EHMT1: variants seen among roughly 807,000 people sequenced by gnomAD.
EHMT1 encodes euchromatic histone lysine methyltransferase 1, also known as histone-lysine N-methyltransferase EHMT1.
EHMT1 carries 15 observed loss-of-function variants against 147.2 expected under a neutral mutation model. That is an observed-to-expected ratio of 0.10 (90% confidence interval 0.07 to 0.16). The LOEUF is 0.16. Ranked by LOEUF, EHMT1 falls within the 10% of genes least tolerant of loss-of-function variation. The probability of loss-of-function intolerance (pLI) is 1.00; values close to 1 mark genes in which losing one functional copy is unlikely to be tolerated. For missense variants in EHMT1, 1,587 were observed against 1,772.4 expected, an observed-to-expected ratio of 0.90 and a Z score of 1.88; for synonymous variants, 795 against 709.6, an observed-to-expected ratio of 1.12 and a Z score of -1.91.
At chr9:137,675,562 C>G (rs1941174356) in intron 1 of EHMT1, among the ~76,000 whole-genome samples, 1 of 151,408 alleles carries the variant, frequency 6.6e-6, no homozygotes, top group South Asian at 2.1e-4. Context: ...CTCCCAGGTT[C>G]CCGCCATTCT....
At chr9:137,681,798 A>G (rs998882082) in intron 1 of EHMT1, among the ~76,000 whole-genome samples, 3 of 152,170 alleles carry the variant, frequency 2.0e-5, no homozygotes, top group South Asian at 2.1e-4. Context: ...TGCTAAGTCC[A>G]TGTGCCCCTC....
In EHMT1 at chr9:137,716,930, G is replaced by C; in HGVS notation, c.390G>C (p.Pro130=). The change falls in exon 3 of 27, where the codon CCG becomes CCC. Residue 130 remains proline (P), a synonymous_variant. Coordinates refer to ENST00000460843, the MANE Select transcript of EHMT1 (RefSeq NM_024757.5). The part of the protein sequence containing the change: ...IGSNGYILNK[P]ALQAQPLRTT... ...GCAACGGATACATCTTAAATAAGCC[G>C]GCCCTACAGGCACAGCCCTTGAGGA... 1 of 1,612,916 alleles carries C rather than the reference G, an allele frequency of 6.2e-7. No individual in the cohort carries two copies. The highest frequency in any genetic ancestry group is 8.5e-7 in the Non-Finnish European group (1 of 1,179,830).
intron 8 of EHMT1, among the ~76,000 whole-genome samples, chr9:137,756,037 C>T (rs1026083691): frequency 8.5e-5 from 13 of 152,158 alleles, no homozygotes; most frequent in African/African-American, 2.4e-5. Flanking sequence ...GAAGAGCAAA[C>T]GTTTTTAAGG....
At chr9:137,621,920 G>T in intron 1 of EHMT1, among the ~76,000 whole-genome samples, 1 of 151,130 alleles carries the variant, frequency 6.6e-6, no homozygotes, top group African/African-American at 2.4e-5. Context: ...AAAAAAAAAA[G>T]CTGTTCTCAT....
chr9:137,740,934 C>CTGGGAT (rs958002214), intron 4 of EHMT1, among the ~76,000 whole-genome samples: 4 of 149,760 alleles, frequency 2.7e-5, no homozygotes, highest in Non-Finnish European at 5.9e-5. Flanking sequence ...TCCTCAGTAG[C>CTGGGAT]TGGGATTACA....
intron 4 of EHMT1, 21 bp from the exon 5 acceptor site, chr9:137,743,350 G>A (rs892707566): frequency 5.4e-6 from 8 of 1,490,334 alleles, no homozygotes; most frequent in Admixed American, 1.9e-5. Flanking sequence ...GTCCCCTTTT[G>A]ACTTTTTTTT....
chr9:137,675,071 A>G, intron 1 of EHMT1: 1 of 152,228 alleles, frequency 6.6e-6, no homozygotes, highest in African/African-American at 2.4e-5. Context: ...TGTGGGAAGT[A>G]AGAAAGCAGG....
intron 23 of EHMT1, chr9:137,816,352 G>A (rs1954918655): frequency 2.1e-6 from 1 of 467,432 alleles, no homozygotes; most frequent in Non-Finnish European, 4.0e-6. Context: ...AATTACCTTT[G>A]TTACCGAGTT....
intron 8 of EHMT1, among the ~76,000 whole-genome samples, chr9:137,755,903 C>T (rs1411379939): frequency 6.6e-6 from 1 of 152,124 alleles, no homozygotes; most frequent in Non-Finnish European, 1.5e-5. Context: ...GGTTGTTTTT[C>T]TTCTCATTGG....
chr9:137,730,498 C>G (rs1402342940), intron 4 of EHMT1, among the ~76,000 whole-genome samples: 1 of 152,180 alleles, frequency 6.6e-6, no homozygotes, highest in Non-Finnish European at 1.5e-5. Flanking sequence ...GCTATGTTGC[C>G]CAGGCTGGTC....
At chr9:137,676,314 C>T (rs1941308659) in intron 1 of EHMT1, 1 of 152,444 alleles carries the variant, frequency 6.6e-6, no homozygotes. Context: ...CGTGATCTGC[C>T]TGCCTCGGCC....
chr9:137,707,376 C>T (rs1342486101), intron 1 of EHMT1, among the ~76,000 whole-genome samples: 5 of 152,360 alleles, frequency 3.3e-5, no homozygotes, highest in Admixed American at 6.5e-5. Flanking sequence ...AGGGCGGAGC[C>T]GCTGCCTTGC....
rs1418430447 is a variant in EHMT1, at chr9:137,684,555, G to A, written c.22-26412G>A. 2.0e-5 allele frequency among the ~76,000 whole-genome samples: 3 copies of A among 152,146 alleles called. No individual in the cohort carries two copies. In the South Asian group the frequency reaches 6.2e-4, roughly 32 times the overall value. ...CACCCATGTTGGAGTGCAGTGGTGT[G>A]ATCTTGGCTCACTGCAACCTCCACC... On this transcript the variant is annotated intron_variant, in intron 1 of 26. Transcript: ENST00000460843.
chr9:137,796,790 A>G lies in EHMT1; in HGVS notation c.2506-2023A>G, dbSNP rs113531307. 1.1e-4 allele frequency among the ~76,000 whole-genome samples: 8 copies of G among 71,544 alleles called. No individual in the cohort carries two copies. In the East Asian group the frequency reaches 2.0e-3, roughly 18 times the overall value. 46.9% of individuals were successfully genotyped at this position (71,544 alleles called of 152,430 possible). ...AGTTCCCAGAAAAAGAAATACATGC[A>G]TATGACCAACAAGCAGATGAAAACA... On this transcript the variant is annotated intron_variant, in intron 16 of 26. Coordinates refer to ENST00000460843, the MANE Select transcript of EHMT1 (RefSeq NM_024757.5).
At chr9:137,719,697 T>G (rs974401061) in intron 3 of EHMT1, among the ~76,000 whole-genome samples, 22 of 152,200 alleles carry the variant, frequency 1.4e-4, no homozygotes, top group Non-Finnish European at 2.5e-4. Flanking sequence ...ATGCTGACAT[T>G]GGTAAAGTCC....
intron 1 of EHMT1, among the ~76,000 whole-genome samples, chr9:137,692,825 A>G (rs111608109): frequency 3.9e-5 from 6 of 152,112 alleles, no homozygotes; most frequent in African/African-American, 7.2e-5. Context: ...GTGTGGGAGC[A>G]CCAAGGAAGA....
chr9:137,813,038 T>C lies in EHMT1; in HGVS notation c.2900T>C (p.Leu967Ser). The C allele has an allele frequency of 6.2e-7, 1 of 1,613,994 alleles. No individual in the cohort carries two copies. Among genetic ancestry groups the C allele is most frequent in the Non-Finnish European group, 8.5e-7 (1 of 1,180,020 alleles). The change falls in exon 20 of 27, where the codon TTA (leucine) becomes TCA (serine). Residue 967 changes from leucine (L) to serine (S), a missense_variant. Coordinates refer to ENST00000460843, the MANE Select transcript of EHMT1 (RefSeq NM_024757.5). This position sits in a 1 kb window ranked among gnomAD's most constrained non-coding sequence, Gnocchi z 4.9. ...LFLSRDSDVT[L>S]KNKEGETPLQ... ...CTTTCTCGGGATTCAGATGTCACCT[T>C]AAAGAACAAGGAAGGAGAGACGCCC... is the stretch of plus-strand genomic sequence containing the variant.
chr9:137,784,020 C>G (rs1951765652), intron 15 of EHMT1: 2 of 629,438 alleles, frequency 3.2e-6, no homozygotes, highest in East Asian at 2.8e-5. Context: ...GTTTTAATTT[C>G]TAGCTGTCTT....
chr9:137,637,688 C>T (rs1226149843), intron 1 of EHMT1: 1 of 152,134 alleles, frequency 6.6e-6, no homozygotes, highest in Admixed American at 6.6e-5. Context: ...ATACTGGCTT[C>T]GTAGAATGAG....
Sources: gnomAD v4.1 joint callset for allele counts (sites outside exome capture counted in the v4.1 genomes callset) on GRCh38, gnomAD v4.1.1 for gene constraint, Gnocchi (gnomAD v3.1) non-coding constraint, MANE v1.5 for transcripts, NCBI Gene and HGNC (gene_info 2026-07-23, HGNC 2026-07-21) for gene names.